Variants in NXPH1 observed in about 807,000 individuals in gnomAD.
The protein encoded by NXPH1 is neurexophilin 1.
A neutral mutation model predicts 23.7 loss-of-function variants in NXPH1; 5 were observed. The observed-to-expected ratio is 0.21, with a 90% CI of 0.11 to 0.44. The LOEUF is 0.44. Among genes scored for constraint, NXPH1 ranks in the 20% least tolerant of loss-of-function variants. The pLI, the probability that NXPH1 is intolerant of heterozygous loss-of-function variation, is 0.99. For missense variants in NXPH1, 324 were observed against 321.6 expected, an observed-to-expected ratio of 1.01 and a Z score of -0.06; for synonymous variants, 144 against 122.2, an observed-to-expected ratio of 1.18 and a Z score of -1.18.
chr7:8,451,317 T>A (rs1816503166), intron 2 of NXPH1, among the ~76,000 whole-genome samples: 1 of 152,216 alleles, frequency 6.6e-6, no homozygotes. Context: ...TCCTTGTATT[T>A]AATTGTCATG....
chr7:8,664,783 A>G (rs1223388768), intron 2 of NXPH1, among the ~76,000 whole-genome samples: 1 of 152,084 alleles, frequency 6.6e-6, no homozygotes, highest in African/African-American at 2.4e-5. Flanking sequence ...ATGATTAGTA[A>G]TGTTCAGCAT....
At chr7:8,647,546 G>C (rs1284933105) in intron 2 of NXPH1, among the ~76,000 whole-genome samples, 6 of 151,954 alleles carry the variant, frequency 3.9e-5, no homozygotes, top group Non-Finnish European at 8.8e-5. Flanking sequence ...TTATATTCAT[G>C]AGTGTGTTGG....
intron 2 of NXPH1, among the ~76,000 whole-genome samples, chr7:8,579,030 G>A (rs910435118): frequency 2.6e-5 from 4 of 152,296 alleles, no homozygotes; most frequent in East Asian, 1.9e-4. Flanking sequence ...AGAGAAGCAG[G>A]CAGAGGCCAG....
At chr7:8,745,719 A>ATTT (rs56019801) in intron 2 of NXPH1, among the ~76,000 whole-genome samples, 14,951 of 111,690 alleles carry the variant, frequency 0.13, 1,178 homozygotes, top group South Asian at 0.19. Context: ...CGCCCAGCTA[A>ATTT]TTTTTTTTTT....
At chr7:8,691,140 C>T (rs1217368191) in intron 2 of NXPH1, among the ~76,000 whole-genome samples, 2 of 151,916 alleles carry the variant, frequency 1.3e-5, no homozygotes, top group East Asian at 3.9e-4. Context: ...TTTAGAACTT[C>T]TTTATTTTAT....
At chr7:8,695,694 T>C (rs139710998) in intron 2 of NXPH1, among the ~76,000 whole-genome samples, 72 of 152,348 alleles carry the variant, frequency 4.7e-4, no homozygotes, top group African/African-American at 1.7e-3. Context: ...GTGCCATAGT[T>C]AAACGTTTAC....
chr7:8,506,848 CAATG>C (rs1303455744), intron 2 of NXPH1, among the ~76,000 whole-genome samples: 5 of 151,962 alleles, frequency 3.3e-5, no homozygotes, highest in Admixed American at 6.6e-5. Context: ...ACATGAGGCT[CAATG>C]AAGAGGGTGG....
chr7:8,638,705 G>T (rs1378121269), intron 2 of NXPH1, among the ~76,000 whole-genome samples: 1 of 152,146 alleles, frequency 6.6e-6, no homozygotes, highest in African/African-American at 2.4e-5. Context: ...TATTAATTTG[G>T]TGAATGATTA....
chr7:8,698,144 T>C (rs1041359588), intron 2 of NXPH1, among the ~76,000 whole-genome samples: 3 of 152,206 alleles, frequency 2.0e-5, no homozygotes, highest in Middle Eastern at 3.2e-3. Context: ...TCAGAAATAC[T>C]GGACGTCTTA....
chr7:8,529,321 C>T (rs889308031), intron 2 of NXPH1, among the ~76,000 whole-genome samples: 1 of 152,194 alleles, frequency 6.6e-6, no homozygotes, highest in African/African-American at 2.4e-5. Flanking sequence ...GATATGGCAC[C>T]AGGGGGCCAA....
At chr7:8,601,394 GA>G (rs748300510) in intron 2 of NXPH1, among the ~76,000 whole-genome samples, 10 of 150,624 alleles carry the variant, frequency 6.6e-5, no homozygotes, top group African/African-American at 2.0e-4. Flanking sequence ...TGCATTAAGG[GA>G]AAAAAATGCA....
At chr7:8,514,106 A>T (rs2128614484) in intron 2 of NXPH1, among the ~76,000 whole-genome samples, 1 of 152,208 alleles carries the variant, frequency 6.6e-6, no homozygotes, top group Non-Finnish European at 1.5e-5. Context: ...ATCTTTGCTA[A>T]TTACTTCTGA....
rs1471039743 is a variant in NXPH1, at chr7:8,442,148, A to G, written c.54+6381A>G. Among the ~76,000 whole-genome samples, 1 of 152,134 alleles carries G rather than the reference A, an allele frequency of 6.6e-6. No homozygotes were observed. Among genetic ancestry groups the G allele is most frequent in the Non-Finnish European group, 1.5e-5 (1 of 68,022 alleles). Reference sequence around the variant, plus strand: ...AAAGCTTTCCTAGCTCCTTCTTCCTATAAATTAATGAGGGTATTTTACTCG... The same window carrying G: ...AAAGCTTTCCTAGCTCCTTCTTCCTGTAAATTAATGAGGGTATTTTACTCG... On this transcript the variant is annotated intron_variant, in intron 2 of 2. Transcript: ENST00000405863. This position sits in a 1 kb window ranked among gnomAD's most constrained non-coding sequence, Gnocchi z 4.6.
At chr7:8,718,793 T>C (rs1391036599) in intron 2 of NXPH1, among the ~76,000 whole-genome samples, 1 of 152,222 alleles carries the variant, frequency 6.6e-6, no homozygotes, top group East Asian at 1.9e-4. Flanking sequence ...AGCTTTGTCA[T>C]TTAAGTGGCA....
intron 2 of NXPH1, among the ~76,000 whole-genome samples, chr7:8,667,666 A>G (rs1419717454): frequency 6.6e-6 from 1 of 152,082 alleles, no homozygotes; most frequent in East Asian, 1.9e-4. Context: ...GTCTTTGTGT[A>G]GTCTTATTTA....
At chr7:8,583,033 T>G (rs1818911129) in intron 2 of NXPH1, among the ~76,000 whole-genome samples, 1 of 152,020 alleles carries the variant, frequency 6.6e-6, no homozygotes, top group Non-Finnish European at 1.5e-5. Flanking sequence ...GGCTGGCATG[T>G]CAGCACCACC....
At chr7:8,678,452 T>A (rs1422978689) in intron 2 of NXPH1, among the ~76,000 whole-genome samples, 1 of 152,156 alleles carries the variant, frequency 6.6e-6, no homozygotes, top group Non-Finnish European at 1.5e-5. Context: ...TCATTTACGG[T>A]CCTTTTGCAT....
intron 2 of NXPH1, among the ~76,000 whole-genome samples, chr7:8,485,357 T>C (rs967576174): frequency 6.6e-6 from 1 of 152,186 alleles, no homozygotes; most frequent in Non-Finnish European, 1.5e-5. Flanking sequence ...TTACCCAGTC[T>C]TGGGTATGTC....
intron 2 of NXPH1, among the ~76,000 whole-genome samples, chr7:8,541,250 G>T (rs562549183): frequency 5.9e-5 from 9 of 151,702 alleles, no homozygotes; most frequent in Non-Finnish European, 1.0e-4. Flanking sequence ...CTCTGGAAAA[G>T]ATGAATAAAC....
Sources: allele counts gnomAD v4.1 joint callset (sites outside exome capture counted in the v4.1 genomes callset), GRCh38; gene constraint gnomAD v4.1.1; non-coding constraint Gnocchi (gnomAD v3.1); transcripts MANE v1.5; gene names NCBI Gene and HGNC (gene_info 2026-07-23, HGNC 2026-07-21).